The following ABCB4 variants were observed in gnomAD, a reference collection of about 807,000 sequenced individuals.
ABCB4 encodes phosphatidylcholine translocator ABCB4.
ABCB4 carries 76 observed loss-of-function variants against 145.7 expected under a neutral mutation model. That is an observed-to-expected ratio of 0.52 (90% confidence interval 0.43 to 0.63). The LOEUF is 0.63. ABCB4 is among the 30% of genes least tolerant of loss of function. The probability of loss-of-function intolerance (pLI) is 0.00; values close to 1 mark genes in which losing one functional copy is unlikely to be tolerated. For missense variants in ABCB4, 1,234 were observed against 1,553.1 expected (o/e 0.79, Z 3.45); for synonymous variants, 517 against 566.8 (o/e 0.91, Z 1.25).
chr7:87,444,461 G>A (rs1811205631), intron 10 of ABCB4, among the ~76,000 whole-genome samples: 1 of 152,026 alleles, frequency 6.6e-6, no homozygotes, highest in South Asian at 2.1e-4. Flanking sequence ...TTTGGAGAGG[G>A]GGAACCCACA....
rs755016053 is a variant in ABCB4 at position 87,409,267 on chromosome 7, A to G, written c.3050T>C (p.Ile1017Thr). The change falls in exon 24 of 28, where the codon ATT becomes ACT. Residue 1017 changes from isoleucine to threonine, a missense_variant. By Grantham distance (89) the Ile-to-Thr change is moderately conservative. Around this residue, in one of 7 missense-constraint regions of ABCB4, gnomAD observed 301 missense variants for 389.0 expected, o/e 0.77. Transcript: ENST00000649586. The stretch of plus-strand genomic sequence containing the variant: ...CAGCCCCTCTTCACTGTAGCTGTCA[A>G]TCAGAGGTTGTCTTTCAAACAGCAT... ...LFMLFERQPL[I>T]DSYSEEGLKP... 8.1e-6 allele frequency: 13 copies of G among 1,614,004 alleles called. No individual in the cohort carries two copies. Among genetic ancestry groups the G allele is most frequent in the African/African-American group, 6.7e-5 (5 of 74,916 alleles).
intron 4 of ABCB4, among the ~76,000 whole-genome samples, chr7:87,454,995 A>AT (rs112701680): frequency 0.05 from 7,323 of 147,310 alleles, 517 homozygotes; most frequent in African/African-American, 0.16. Flanking sequence ...TTTAAGAGGC[A>AT]TTTTTTTTTT....
chr7:87,454,995 A>ATT (rs112701680), intron 4 of ABCB4, among the ~76,000 whole-genome samples: 184 of 147,432 alleles, frequency 1.2e-3, no homozygotes, highest in African/African-American at 4.2e-3. Context: ...TTTAAGAGGC[A>ATT]TTTTTTTTTT....
At chr7:87,401,163 C>A (rs1562944253), downstream of ABCB4, among the ~76,000 whole-genome samples, 1 of 152,186 alleles carries the variant, frequency 6.6e-6, no homozygotes, top group Non-Finnish European at 1.5e-5. Flanking sequence ...ACAGTGGTCA[C>A]ATTTGAAAAA....
chr7:87,451,801 A>G lies in ABCB4; in HGVS notation c.537-7T>C, dbSNP rs1296947152. ...ACTGATTTTGGAGATGTCACTAAAA[A>G]AGATCACACCTAAGTGGTTACAGGC... On this transcript the variant is annotated splice_polypyrimidine_tract_variant and splice_region_variant and intron_variant, in intron 6 of 27. Transcript: ENST00000649586. The G allele has an allele frequency of 6.2e-7, 1 of 1,614,086 alleles. No homozygotes were observed. The highest frequency in any genetic ancestry group is 1.7e-5 in the Admixed American group (1 of 60,016).
chr7:87,386,081 G>T, the ABCB4 span, among the ~76,000 whole-genome samples: 1 of 152,042 alleles, frequency 6.6e-6, no homozygotes, highest in Non-Finnish European at 1.5e-5. Flanking sequence ...ATTTTGTTGA[G>T]GATTTCTGCA....
chr7:87,448,691 G>C (rs1189569864), intron 8 of ABCB4: 4 of 152,396 alleles, frequency 2.6e-5, no homozygotes, highest in Admixed American at 1.3e-4. Context: ...CTGAGGGTTA[G>C]TGTGGTCTGT....
intron 18 of ABCB4, 42 bp downstream of exon 18, chr7:87,422,079 A>G (rs1809477332): frequency 1.5e-6 from 2 of 1,368,436 alleles, no homozygotes; most frequent in Admixed American, 1.8e-5. Flanking sequence ...TTCTCTAATT[A>G]AATTATAAAC....
chr7:87,455,433 G>A (rs1193615899), intron 4 of ABCB4, among the ~76,000 whole-genome samples: 1 of 152,088 alleles, frequency 6.6e-6, no homozygotes, highest in Non-Finnish European at 1.5e-5. Context: ...ATCTTATGAG[G>A]TGAGACTATT....
In ABCB4 at chr7:87,408,199, G is replaced by C. The variant is rs779194886; in HGVS notation, c.3117C>G (p.Val1039=). 19 of 1,613,962 alleles carry C rather than the reference G, an allele frequency of 1.2e-5. No homozygotes were observed. The highest frequency in any genetic ancestry group is 2.2e-5 in the South Asian group (2 of 91,074). The part of the protein sequence containing the change: ...KFEGNITFNE[V]VFNYPTRANV... ...TTGCTCGGGTGGGATAGTTGAACACGACTTCATTAAATGTTATATTTCCTT... is the reference window on the plus strand; with the variant it reads ...TTGCTCGGGTGGGATAGTTGAACACCACTTCATTAAATGTTATATTTCCTT... The change falls in exon 25 of 28, where the codon GTC becomes GTG. Residue 1039 remains valine, a synonymous_variant. Coordinates refer to ENST00000649586, the MANE Select transcript of ABCB4 (RefSeq NM_000443.4).
downstream of ABCB4, chr7:87,398,723 G>C (rs1807638659): frequency 1.5e-5 from 21 of 1,373,534 alleles, no homozygotes; most frequent in Non-Finnish European, 2.1e-5. Context: ...TATGAGATGG[G>C]AAGGAATGTT....
At chr7:87,394,956 AT>A in the ABCB4 span, among the ~76,000 whole-genome samples, 1 of 152,074 alleles carries the variant, frequency 6.6e-6, no homozygotes, top group Non-Finnish European at 1.5e-5. Context: ...GCCTGAACAG[AT>A]TTTTAATGCA....
the ABCB4 span, among the ~76,000 whole-genome samples, chr7:87,396,567 G>T: frequency 1.3e-5 from 2 of 152,022 alleles, no homozygotes; most frequent in Admixed American, 6.6e-5. Flanking sequence ...AAAGCAAAAA[G>T]ATAGAAATTA....
intron 14 of ABCB4, among the ~76,000 whole-genome samples, chr7:87,437,193 T>C (rs775291486): frequency 2.6e-5 from 4 of 152,146 alleles, no homozygotes; most frequent in Non-Finnish European, 5.9e-5. Context: ...ACAAGATGAG[T>C]TCTGGAGTCT....
At chr7:87,443,809 A>T in intron 10 of ABCB4, 36 bp from the exon 11 acceptor site, 1 of 1,505,374 alleles carries the variant, frequency 6.6e-7, no homozygotes, top group Non-Finnish European at 9.2e-7. Context: ...ATTCCATCAT[A>T]GCACAAACAA....
At chr7:87,397,814 T>A (rs1807588806), downstream of ABCB4, among the ~76,000 whole-genome samples, 1 of 152,250 alleles carries the variant, frequency 6.6e-6, no homozygotes, top group Non-Finnish European at 1.5e-5. Context: ...TTTTTTTAAG[T>A]GATGTGAAAA....
intron 7 of ABCB4, among the ~76,000 whole-genome samples, chr7:87,451,310 A>AT (rs1811712735): frequency 6.6e-6 from 1 of 151,854 alleles, no homozygotes; most frequent in Non-Finnish European, 1.5e-5. Flanking sequence ...AGTTTTTCAT[A>AT]TTTTTAGTAG....
Position 87,450,456 on chromosome 7 carries a change from T to C in ABCB4, c.709-364A>G, listed in dbSNP as rs368893041. 4.0e-5 allele frequency among the ~76,000 whole-genome samples: 6 copies of C among 151,776 alleles called. No homozygotes were observed. The East Asian group carries it at 1.2e-3, about 29-fold the overall frequency. ...TGAAAGAATTTACCATTCTTAACTT[T>C]ATTGTGTCACAATTTTTTTTTTTTT... On this transcript the variant is annotated intron_variant, in intron 7 of 27. Transcript: ENST00000649586.
At chr7:87,375,771 C>T in the ABCB4 span, 15 of 1,612,158 alleles carry the variant, frequency 9.3e-6, no homozygotes, top group Middle Eastern at 3.3e-4. Flanking sequence ...CTAACAAACT[C>T]TTTTGATGTA....
Sources: allele counts gnomAD v4.1 joint callset (sites outside exome capture counted in the v4.1 genomes callset), GRCh38; gene constraint gnomAD v4.1.1; regional missense constraint gnomAD v4.1.1; transcripts MANE v1.5; gene names NCBI Gene and HGNC (gene_info 2026-07-23, HGNC 2026-07-21).